ZBTB16: variants seen among roughly 807,000 people sequenced by gnomAD.
The protein encoded by ZBTB16 is zinc finger and BTB domain-containing protein 16.
A neutral mutation model predicts 56.8 loss-of-function variants in ZBTB16; 8 were observed. The observed-to-expected ratio is 0.14, with a 90% confidence interval of 0.08 to 0.25. The LOEUF (loss-of-function observed/expected upper bound fraction) is 0.25, where lower values mean the gene tolerates loss of function less well. Among genes scored for constraint, ZBTB16 ranks in the 10% least tolerant of loss-of-function variants. ZBTB16 has a pLI of 1.00. For synonymous variants in ZBTB16, 363 were observed against 368.5 expected, an observed-to-expected ratio of 0.98 and a Z score of 0.17; for missense variants, 625 against 903.0, an observed-to-expected ratio of 0.69 and a Z score of 3.95.
chr11:114,231,578 A>G (rs1944442629), intron 4 of ZBTB16, among the ~76,000 whole-genome samples: 1 of 152,152 alleles, frequency 6.6e-6, no homozygotes, highest in African/African-American at 2.4e-5. Flanking sequence ...AAATTTTCCC[A>G]TCTTCCTAAA....
At chr11:114,105,827 T>C (rs1202844252) in intron 2 of ZBTB16, among the ~76,000 whole-genome samples, 3 of 152,190 alleles carry the variant, frequency 2.0e-5, no homozygotes, top group South Asian at 2.1e-4. Context: ...TGGACAGTAG[T>C]TCTGGGGAGA....
chr11:114,233,701 T>A (rs1944504420), intron 4 of ZBTB16, among the ~76,000 whole-genome samples: 1 of 151,838 alleles, frequency 6.6e-6, no homozygotes, highest in African/African-American at 2.4e-5. Flanking sequence ...TTTGTTGGAG[T>A]GATTGACAAA....
At chr11:114,167,093 A>G (rs1376405086) in intron 3 of ZBTB16, among the ~76,000 whole-genome samples, 1 of 152,188 alleles carries the variant, frequency 6.6e-6, no homozygotes, top group Non-Finnish European at 1.5e-5. Context: ...GGCTAAATTT[A>G]AAATTGTAAT....
At chr11:114,195,678 A>G (rs578144587) in intron 4 of ZBTB16, among the ~76,000 whole-genome samples, 1 of 152,196 alleles carries the variant, frequency 6.6e-6, no homozygotes, top group East Asian at 1.9e-4. Context: ...CTAGATTCCA[A>G]TTCCAGCCCC....
At position 114,179,018 on chromosome 11, in the gene ZBTB16, G is replaced by C. The variant is rs578099702; in HGVS notation, c.1367-7934G>C. On this transcript the variant is annotated intron_variant, in intron 3 of 6. Coordinates refer to ENST00000335953, the MANE Select transcript of ZBTB16 (RefSeq NM_006006.6). ...CCATCCTATATTTATGTGGGGTCCT[G>C]TATCATTAGTTCATTCACCCTCCCA... 3.7e-3 allele frequency among the ~76,000 whole-genome samples: 556 copies of C among 152,236 alleles called. 3 individuals are homozygous for C. The highest frequency in any genetic ancestry group is 5.4e-3 in the Non-Finnish European group (368 of 68,016).
intron 4 of ZBTB16, among the ~76,000 whole-genome samples, chr11:114,199,960 C>G (rs571716680): frequency 6.2e-4 from 94 of 152,086 alleles, no homozygotes; most frequent in African/African-American, 2.0e-3. Flanking sequence ...AACCCTGTCT[C>G]TACTAAAAAT....
In ZBTB16 at chr11:114,063,214, C is replaced by G; in HGVS notation, c.-87C>G. On this transcript the variant is annotated 5_prime_UTR_variant, in exon 2 of 7. Coordinates refer to ENST00000335953, the MANE Select transcript of ZBTB16 (RefSeq NM_006006.6). The surrounding 1 kb of genome is among the most constrained non-coding windows in gnomAD (Gnocchi z 6.5). ...CTTCCCCTCTTCTTTCTCCTAGCCT[C>G]CTCTATTGGCCCAGGAAGCCCACCC... 2 of 1,448,306 alleles carry G rather than the reference C, an allele frequency of 1.4e-6. No homozygotes were observed. The highest frequency in any genetic ancestry group is 1.9e-6 in the Non-Finnish European group (2 of 1,053,410). 89.7% of individuals were successfully genotyped at this position (1,448,306 alleles called of 1,614,324 possible).
chr11:114,133,048 C>T (rs745867798), intron 2 of ZBTB16, among the ~76,000 whole-genome samples: 2 of 152,164 alleles, frequency 1.3e-5, no homozygotes, highest in African/African-American at 2.4e-5. Context: ...AAAGGAAATA[C>T]TTAGTGTCTG....
At chr11:114,098,503 T>G (rs1940497155) in intron 2 of ZBTB16, among the ~76,000 whole-genome samples, 1 of 151,330 alleles carries the variant, frequency 6.6e-6, no homozygotes. Context: ...TTTTTTGGTG[T>G]TTTGCAGCTT....
intron 4 of ZBTB16, among the ~76,000 whole-genome samples, chr11:114,234,901 T>C (rs935684310): frequency 6.6e-6 from 1 of 152,126 alleles, no homozygotes; most frequent in Non-Finnish European, 1.5e-5. Context: ...GAGGAGAAGA[T>C]GGGCGAAAGG....
intron 2 of ZBTB16, among the ~76,000 whole-genome samples, chr11:114,129,525 C>G (rs2519193): frequency 0.26 from 38,986 of 152,248 alleles, 5,683 homozygotes; most frequent in Non-Finnish European, 0.32. Flanking sequence ...CCTGCCTATT[C>G]CCTTTCATTC....
intron 4 of ZBTB16, among the ~76,000 whole-genome samples, chr11:114,231,910 G>A (rs1055512770): frequency 6.6e-6 from 1 of 152,176 alleles, no homozygotes; most frequent in South Asian, 2.1e-4. Context: ...TCATTTTACT[G>A]TTGAGGAAAC....
intron 3 of ZBTB16, among the ~76,000 whole-genome samples, chr11:114,159,939 G>GC (rs1481092634): frequency 6.7e-6 from 1 of 149,324 alleles, no homozygotes; most frequent in African/African-American, 2.5e-5. Context: ...GGGGGAGGCG[G>GC]GGGGGAGGCG....
chr11:114,225,840 A>G (rs1166497616), intron 4 of ZBTB16, among the ~76,000 whole-genome samples: 1 of 152,162 alleles, frequency 6.6e-6, no homozygotes, highest in Non-Finnish European at 1.5e-5. Context: ...CTGTTTCTCC[A>G]TCCCCTAATC....
chr11:114,169,188 G>T (rs1351522517), intron 3 of ZBTB16, among the ~76,000 whole-genome samples: 1 of 152,154 alleles, frequency 6.6e-6, no homozygotes, highest in Non-Finnish European at 1.5e-5. Flanking sequence ...CTGGGGTGGG[G>T]TGAAAGGGGC....
Position 114,063,123 on chromosome 11 carries a change from G to A in ZBTB16, c.-90-88G>A, listed in dbSNP as rs964918439. The A allele has an allele frequency of 1.5e-6, 1 of 682,596 alleles. No individual in the cohort carries two copies. The highest frequency in any genetic ancestry group is 2.5e-6 in the Non-Finnish European group (1 of 399,210). The allele number at this position is 682,596 out of a possible 1,614,324, so 42.3% of individuals were successfully genotyped here. On this transcript the variant is annotated intron_variant, in intron 1 of 6. Transcript: ENST00000335953. This position sits in a 1 kb window ranked among gnomAD's most constrained non-coding sequence, Gnocchi z 6.5. ...AACAGGGAGGAGGGGGCATGTTGTAGTGGTTGAATTCTTACTTTTAGGGAC... is the reference window on the plus strand; with the variant it reads ...AACAGGGAGGAGGGGGCATGTTGTAATGGTTGAATTCTTACTTTTAGGGAC...
At position 114,250,846 on chromosome 11, in the gene ZBTB16, C is replaced by G. The variant is rs993688513; in HGVS notation, c.*291C>G. Among the ~76,000 whole-genome samples, 14 of 152,084 alleles carry G rather than the reference C, an allele frequency of 9.2e-5. No homozygotes were observed. The highest frequency in any genetic ancestry group is 3.4e-4 in the African/African-American group (14 of 41,416). On this transcript the variant is annotated 3_prime_UTR_variant, in exon 7 of 7. Transcript: ENST00000335953. The surrounding 1 kb of genome is among the most constrained non-coding windows in gnomAD (Gnocchi z 6.0). Reference sequence around the variant, plus strand: ...ACTCAAATGGTGGCACATTTTTCTCCTTCCTTCACCCAGACCTTCTTTTAT... The same window carrying G: ...ACTCAAATGGTGGCACATTTTTCTCGTTCCTTCACCCAGACCTTCTTTTAT...
intron 4 of ZBTB16, among the ~76,000 whole-genome samples, chr11:114,228,072 C>T (rs1446604442): frequency 6.6e-6 from 1 of 152,172 alleles, no homozygotes; most frequent in Non-Finnish European, 1.5e-5. Context: ...GTGCCATTGG[C>T]TCCCTGGGCA....
intron 2 of ZBTB16, among the ~76,000 whole-genome samples, chr11:114,133,591 C>T (rs1381868733): frequency 6.6e-6 from 1 of 152,184 alleles, no homozygotes; most frequent in East Asian, 1.9e-4. Context: ...GTAAGATTTC[C>T]CTCTCAGGTC....
Sources: allele counts gnomAD v4.1 joint callset (sites outside exome capture counted in the v4.1 genomes callset), GRCh38; gene constraint gnomAD v4.1.1; non-coding constraint Gnocchi (gnomAD v3.1); transcripts MANE v1.5; gene names NCBI Gene and HGNC (gene_info 2026-07-23, HGNC 2026-07-21).